The following NAV3 variants were observed in gnomAD, a reference collection of about 807,000 sequenced individuals.
The protein encoded by NAV3 is neuron navigator 3.
NAV3 carries 87 observed loss-of-function variants against 244.7 expected under a neutral mutation model. The ratio of observed to expected loss-of-function variants is 0.36; its 90% CI spans 0.30 to 0.42. The LOEUF (loss-of-function observed/expected upper bound fraction) is 0.42, where lower values mean the gene tolerates loss of function less well. NAV3 is among the 20% of genes least tolerant of loss of function. The pLI, the probability that NAV3 is intolerant of heterozygous loss-of-function variation, is 1.00. For synonymous variants in NAV3, 1,126 were observed against 1,042.2 expected, an observed-to-expected ratio of 1.08 and a Z score of -1.55; for missense variants, 2,663 against 2,893.3, an observed-to-expected ratio of 0.92 and a Z score of 1.83.
chr12:78,196,654 T>G (rs1235412626), intron 34 of NAV3, among the ~76,000 whole-genome samples: 1 of 151,894 alleles, frequency 6.6e-6, no homozygotes, highest in Non-Finnish European at 1.5e-5. Context: ...GATGCTAAAT[T>G]TTGTCTTTGT....
intron 1 of NAV3, among the ~76,000 whole-genome samples, chr12:77,899,989 G>A (rs1178042718): frequency 6.6e-6 from 1 of 151,996 alleles, no homozygotes; most frequent in Non-Finnish European, 1.5e-5. Context: ...CCCAGACAGT[G>A]AGAATAGTAT....
intron 9 of NAV3, among the ~76,000 whole-genome samples, chr12:78,049,254 G>A (rs1882358985): frequency 6.6e-6 from 1 of 152,038 alleles, no homozygotes; most frequent in Non-Finnish European, 1.5e-5. Context: ...CATTCCAGGT[G>A]CTACTGGGGT....
chr12:78,034,096 A>G (rs1157690894), intron 9 of NAV3, among the ~76,000 whole-genome samples: 3 of 152,242 alleles, frequency 2.0e-5, no homozygotes, highest in Non-Finnish European at 4.4e-5. Context: ...ATGCAATATA[A>G]CAATCTAATT....
intron 1 of NAV3, among the ~76,000 whole-genome samples, chr12:77,847,154 C>T (rs1438104677): frequency 6.6e-6 from 1 of 152,102 alleles, no homozygotes; most frequent in African/African-American, 2.4e-5. Flanking sequence ...GGAGAAAGTC[C>T]ACACTTTAAC....
intron 20 of NAV3, among the ~76,000 whole-genome samples, chr12:78,141,666 A>G (rs1305953429): frequency 3.3e-5 from 5 of 152,212 alleles, no homozygotes; most frequent in Admixed American, 3.3e-4. Context: ...CAATGATTAA[A>G]ATTACCCATA....
At chr12:77,612,683 A>AT (rs545348653) in intron 2 of NAV3, among the ~76,000 whole-genome samples, 9 of 152,054 alleles carry the variant, frequency 5.9e-5, no homozygotes, top group Non-Finnish European at 1.2e-4. Context: ...TAGAATTACA[A>AT]TTTTCCAGAA....
intron 1 of NAV3, among the ~76,000 whole-genome samples, chr12:77,927,996 A>G (rs1888384353): frequency 1.3e-5 from 2 of 151,924 alleles, no homozygotes; most frequent in African/African-American, 4.8e-5. Context: ...TGAGGTGAGC[A>G]TATTGCCTGA....
intron 12 of NAV3, among the ~76,000 whole-genome samples, chr12:78,103,607 T>C (rs143645863): frequency 1.3e-5 from 2 of 152,234 alleles, no homozygotes; most frequent in African/African-American, 4.8e-5. Context: ...TACCCAAGAC[T>C]GGAAAGAAAA....
intron 2 of NAV3, among the ~76,000 whole-genome samples, chr12:77,794,654 C>G (rs1252038808): frequency 6.6e-6 from 1 of 152,178 alleles, no homozygotes; most frequent in African/African-American, 2.4e-5. Context: ...AACCCTGCAT[C>G]CAGCAAATCT....
At chr12:77,631,439 A>G (rs1592522213) in intron 2 of NAV3, among the ~76,000 whole-genome samples, 1 of 151,888 alleles carries the variant, frequency 6.6e-6, no homozygotes, top group South Asian at 2.1e-4. Flanking sequence ...ATGTCCCTGG[A>G]AAGCAAAATT....
chr12:77,973,620 A>G (rs577613674), intron 5 of NAV3, among the ~76,000 whole-genome samples: 7 of 152,202 alleles, frequency 4.6e-5, no homozygotes, highest in African/African-American at 1.7e-4. Flanking sequence ...CCCTCTTACC[A>G]TAGAGGACAT....
At chr12:78,121,880 T>C in intron 15 of NAV3, 60 bp from the exon 16 acceptor site, 2 of 1,588,640 alleles carry the variant, frequency 1.3e-6, no homozygotes, top group Non-Finnish European at 1.7e-6. Context: ...TAACCCGAAA[T>C]ATTAAATGTG....
intron 2 of NAV3, among the ~76,000 whole-genome samples, chr12:77,691,096 G>A (rs1265037866): frequency 1.3e-5 from 2 of 150,416 alleles, no homozygotes; most frequent in African/African-American, 2.4e-5. Flanking sequence ...ATGGAAGGTT[G>A]AATATTGCTG....
intron 39 of NAV3, among the ~76,000 whole-genome samples, chr12:78,208,401 C>T (rs567472455): frequency 4.6e-5 from 7 of 152,124 alleles, no homozygotes; most frequent in South Asian, 4.1e-4. Flanking sequence ...ACAAGAGTTT[C>T]GGAAGTGATA....
At chr12:78,165,357 G>T (rs1957735999) in intron 23 of NAV3, among the ~76,000 whole-genome samples, 1 of 151,926 alleles carries the variant, frequency 6.6e-6, no homozygotes, top group Non-Finnish European at 1.5e-5. Context: ...TAAGAAACTG[G>T]AAATGACTGA....
At chr12:77,652,914 T>TAA (rs1270611836) in intron 2 of NAV3, among the ~76,000 whole-genome samples, 1 of 152,244 alleles carries the variant, frequency 6.6e-6, no homozygotes, top group Non-Finnish European at 1.5e-5. Flanking sequence ...TTTTCTGTTA[T>TAA]AAAAGAGTTA....
chr12:77,749,027 GA>G (rs1414780097), intron 2 of NAV3, among the ~76,000 whole-genome samples: 2 of 152,022 alleles, frequency 1.3e-5, no homozygotes, highest in African/African-American at 2.4e-5. Flanking sequence ...CAAAGCGGGA[GA>G]AAAAAAGGTA....
chr12:77,656,336 C>T (rs1297745964), intron 2 of NAV3, among the ~76,000 whole-genome samples: 1 of 126,288 alleles, frequency 7.9e-6, no homozygotes, highest in African/African-American at 3.5e-5. Context: ...GACTTTAAAC[C>T]AACAAAGATC....
chr12:78,168,626 C>G, intron 23 of NAV3, 129 bp from the exon 24 acceptor site: 1 of 586,628 alleles, frequency 1.7e-6, no homozygotes, highest in Non-Finnish European at 3.1e-6. Flanking sequence ...TTGACAAGTT[C>G]AGCTAAGCAT....
Sources: allele counts gnomAD v4.1 joint callset (sites outside exome capture counted in the v4.1 genomes callset), GRCh38; gene constraint gnomAD v4.1.1; transcripts MANE v1.5; gene names NCBI Gene and HGNC (gene_info 2026-07-23, HGNC 2026-07-21).